Variants in MACROD2 observed in about 807,000 individuals in gnomAD.
MACROD2 encodes ADP-ribose glycohydrolase MACROD2.
MACROD2 carries 36 observed loss-of-function variants against 70.4 expected under a neutral mutation model. The observed-to-expected ratio is 0.51, with a 90% CI of 0.39 to 0.68. The LOEUF (loss-of-function observed/expected upper bound fraction) is 0.68. Ranked by LOEUF, MACROD2 falls within the 30% of genes least tolerant of loss-of-function variation. The probability of loss-of-function intolerance (pLI) is 0.00; values close to 1 mark genes in which losing one functional copy is unlikely to be tolerated. For missense variants in MACROD2, 496 were observed against 538.4 expected (o/e 0.92, Z 0.78); for synonymous variants, 172 against 178.8 (o/e 0.96, Z 0.30).
chr20:15,932,591 C>T (rs748098513), intron 10 of MACROD2, among the ~76,000 whole-genome samples: 19 of 152,156 alleles, frequency 1.2e-4, no homozygotes, highest in Non-Finnish European at 2.8e-4. Flanking sequence ...TGGAGACCCT[C>T]CCAGCAATGA....
chr20:14,009,416 T>C (rs2052866981), intron 2 of MACROD2, among the ~76,000 whole-genome samples: 1 of 152,004 alleles, frequency 6.6e-6, no homozygotes, highest in Admixed American at 6.6e-5. Context: ...AAAACCACAA[T>C]GTGATACCAA....
At chr20:14,424,337 G>A (rs1438544555) in intron 3 of MACROD2, among the ~76,000 whole-genome samples, 1 of 151,950 alleles carries the variant, frequency 6.6e-6, no homozygotes, top group African/African-American at 2.4e-5. Context: ...ACTTAATTAT[G>A]AAGGTTATTA....
intron 5 of MACROD2, among the ~76,000 whole-genome samples, chr20:14,861,205 G>A (rs1467688383): frequency 2.0e-5 from 3 of 152,040 alleles, no homozygotes; most frequent in Non-Finnish European, 4.4e-5. Context: ...GGTGGAAGCC[G>A]TTACTACCCA....
chr20:15,356,600 A>G (rs894516354), intron 6 of MACROD2, among the ~76,000 whole-genome samples: 13 of 150,016 alleles, frequency 8.7e-5, no homozygotes, highest in Admixed American at 2.0e-4. Context: ...CCTGACCAAT[A>G]TGGCTAAACT....
At chr20:15,304,085 TATA>T (rs1353233998) in intron 6 of MACROD2, among the ~76,000 whole-genome samples, 4 of 152,222 alleles carry the variant, frequency 2.6e-5, no homozygotes. Context: ...TTTTGTTCCT[TATA>T]ATATTTTCTT....
intron 5 of MACROD2, among the ~76,000 whole-genome samples, chr20:15,206,252 G>C (rs189750754): frequency 8.5e-4 from 129 of 152,180 alleles, no homozygotes; most frequent in Non-Finnish European, 4.7e-4. Context: ...TAAATTTGCT[G>C]TACCATAAGT....
intron 3 of MACROD2, among the ~76,000 whole-genome samples, chr20:14,093,116 T>C (rs566818110): frequency 1.3e-5 from 2 of 152,340 alleles, no homozygotes; most frequent in African/African-American, 4.8e-5. Flanking sequence ...AATCTCACTC[T>C]GTCACTCAGG....
chr20:15,730,583 T>G (rs1021398239), intron 8 of MACROD2, among the ~76,000 whole-genome samples: 2 of 152,148 alleles, frequency 1.3e-5, no homozygotes, highest in Admixed American at 6.5e-5. Context: ...TCTCTTTGTA[T>G]GTGACCTGCC....
rs71340210 is a variant in MACROD2, at chr20:15,113,763, AGTGTGTGTGTGTGTGT to A, written c.419-116155_419-116140del. On this transcript the variant is annotated intron_variant, in intron 5 of 17. Coordinates refer to ENST00000684519, the MANE Select transcript of MACROD2 (RefSeq NM_001351661.2). The stretch of plus-strand genomic sequence containing the variant: ...TAGGTATGGGGTTGTGTAGTCTTGA[AGTGTGTGTGTGTGTGT>A]GTGTGTGTGTGTGTGTGTGTGCTGG... Among the ~76,000 whole-genome samples, 848 of 144,238 alleles carry A rather than the reference AGTGTGTGTGTGTGTGT, an allele frequency of 5.9e-3. 8 individuals carry two copies. Among genetic ancestry groups the A allele is most frequent in the African/African-American group, 0.021 (802 of 38,730 alleles). The allele number at this position is 144,238 out of a possible 152,430, so 94.6% of individuals were successfully genotyped here.
intron 5 of MACROD2, among the ~76,000 whole-genome samples, chr20:14,943,826 T>C (rs1232246334): frequency 4.6e-5 from 7 of 152,190 alleles, no homozygotes; most frequent in Non-Finnish European, 8.8e-5. Flanking sequence ...AGACCCCAGA[T>C]AGTATCGTTC....
intron 3 of MACROD2, among the ~76,000 whole-genome samples, chr20:14,310,497 G>A (rs1026320217): frequency 4.6e-5 from 7 of 152,146 alleles, no homozygotes; most frequent in Non-Finnish European, 1.0e-4. Context: ...GGTGATGCTG[G>A]TGTAAACAAA....
intron 8 of MACROD2, among the ~76,000 whole-genome samples, chr20:15,639,729 T>A (rs2049425845): frequency 6.6e-6 from 1 of 152,168 alleles, no homozygotes; most frequent in African/African-American, 2.4e-5. Context: ...CCTTCAGCCA[T>A]GTTTGTTCAG....
intron 2 of MACROD2, among the ~76,000 whole-genome samples, chr20:14,008,652 A>G (rs2052855438): frequency 6.6e-6 from 1 of 152,156 alleles, no homozygotes; most frequent in Non-Finnish European, 1.5e-5. Flanking sequence ...AAAGAGCCCA[A>G]ATAGCCAAGA....
chr20:15,572,418 T>C (rs1287210039), intron 8 of MACROD2, among the ~76,000 whole-genome samples: 1 of 152,092 alleles, frequency 6.6e-6, no homozygotes, highest in African/African-American at 2.4e-5. Context: ...TCATATGTAA[T>C]TTCCAAAGTT....
intron 3 of MACROD2, among the ~76,000 whole-genome samples, chr20:14,135,301 A>G (rs535528946): frequency 3.3e-5 from 5 of 152,356 alleles, no homozygotes; most frequent in African/African-American, 1.2e-4. Flanking sequence ...CAGTGATAAT[A>G]AATCATGATC....
intron 8 of MACROD2, among the ~76,000 whole-genome samples, chr20:15,778,502 C>T (rs1440210150): frequency 7.2e-5 from 11 of 151,978 alleles, no homozygotes; most frequent in African/African-American, 2.2e-4. Flanking sequence ...GTAGCTGCAT[C>T]GAAGTTGACA....
At chr20:14,618,326 T>C (rs1321388907) in intron 4 of MACROD2, among the ~76,000 whole-genome samples, 1 of 152,114 alleles carries the variant, frequency 6.6e-6, no homozygotes, top group Non-Finnish European at 1.5e-5. Context: ...CATAGTAGAA[T>C]GCTCAAATAC....
chr20:15,362,008 C>CTTTTTTTTTTTT (rs34029805), intron 6 of MACROD2, among the ~76,000 whole-genome samples: 2 of 142,472 alleles, frequency 1.4e-5, no homozygotes. Context: ...TTATTTCTTC[C>CTTTTTTTTTTTT]TTTTTTTTTT....
At chr20:14,228,748 C>G (rs1440025020) in intron 3 of MACROD2, among the ~76,000 whole-genome samples, 1 of 152,128 alleles carries the variant, frequency 6.6e-6, no homozygotes, top group Non-Finnish European at 1.5e-5. Flanking sequence ...TGGCTCATGC[C>G]TGTAATCCCA....
Sources: gnomAD v4.1 joint callset for allele counts (sites outside exome capture counted in the v4.1 genomes callset) on GRCh38, gnomAD v4.1.1 for gene constraint, MANE v1.5 for transcripts, NCBI Gene and HGNC (gene_info 2026-07-23, HGNC 2026-07-21) for gene names.